The following CTNNA3 variants were observed in gnomAD, a reference collection of about 807,000 sequenced individuals.
CTNNA3 encodes catenin alpha 3, also known as catenin alpha-3.
A neutral mutation model predicts 95.7 loss-of-function variants in CTNNA3; 76 were observed. That is an observed-to-expected ratio of 0.79 (90% confidence interval 0.66 to 0.96). The LOEUF is 0.96. Ranked by LOEUF, CTNNA3 falls within the 40% of genes least tolerant of loss-of-function variation. The pLI is 0.00. For synonymous variants in CTNNA3, 431 were observed against 374.4 expected, an observed-to-expected ratio of 1.15 and a Z score of -1.74; for missense variants, 1,191 against 1,089.8, an observed-to-expected ratio of 1.09 and a Z score of -1.31.
intron 15 of CTNNA3, among the ~76,000 whole-genome samples, chr10:66,031,047 C>T (rs184499295): frequency 5.3e-4 from 81 of 152,102 alleles, no homozygotes; most frequent in Non-Finnish European, 7.2e-4. Flanking sequence ...ATTAAAAAGT[C>T]GAAAACTGAT....
At chr10:66,081,718 G>C (rs2080769267) in intron 14 of CTNNA3, among the ~76,000 whole-genome samples, 1 of 152,124 alleles carries the variant, frequency 6.6e-6, no homozygotes, top group African/African-American at 2.4e-5. Context: ...AGAAAATCAT[G>C]GGTTAGGCAA....
intron 11 of CTNNA3, among the ~76,000 whole-genome samples, chr10:66,431,620 A>T (rs984499598): frequency 6.6e-6 from 1 of 151,940 alleles, no homozygotes; most frequent in African/African-American, 2.4e-5. Context: ...GCTGGAAACC[A>T]TCATTCTCAG....
chr10:67,227,316 C>T (rs780536628), intron 5 of CTNNA3, among the ~76,000 whole-genome samples: 3 of 152,090 alleles, frequency 2.0e-5, no homozygotes, highest in Non-Finnish European at 2.9e-5. Context: ...GTCTTGAACT[C>T]CCAACCTCAG....
chr10:67,655,782 C>CAAAAAA (rs11291979), intron 1 of CTNNA3, among the ~76,000 whole-genome samples: 2 of 95,262 alleles, frequency 2.1e-5, no homozygotes, highest in African/African-American at 7.1e-5. Flanking sequence ...GACTCCGTCT[C>CAAAAAA]AAAAAAAAAA....
intron 5 of CTNNA3, among the ~76,000 whole-genome samples, chr10:67,386,130 T>C (rs1013280368): frequency 9.2e-5 from 14 of 152,194 alleles, no homozygotes; most frequent in African/African-American, 1.4e-4. Flanking sequence ...AAATAAAACT[T>C]ACTCATAAAT....
chr10:66,002,932 C>T (rs2078799364), intron 15 of CTNNA3, among the ~76,000 whole-genome samples: 1 of 152,170 alleles, frequency 6.6e-6, no homozygotes, highest in Admixed American at 6.5e-5. Flanking sequence ...CCCAGGGGTG[C>T]TAAAATCCTA....
At chr10:66,147,026 T>A (rs1315434558) in intron 13 of CTNNA3, among the ~76,000 whole-genome samples, 1 of 152,196 alleles carries the variant, frequency 6.6e-6, no homozygotes, top group East Asian at 1.9e-4. Context: ...CCTTCTAAAT[T>A]GCTCTTGAAG....
chr10:67,647,478 A>T lies in CTNNA3; in HGVS notation c.36T>A (p.Asp12Glu). 6.2e-7 allele frequency: 1 copy of T among 1,613,444 alleles called. No homozygotes were observed. The highest frequency in any genetic ancestry group is 8.5e-7 in the Non-Finnish European group (1 of 1,179,540). Residue 12 changes from aspartate to glutamate, a missense_variant, in exon 2 of 18, where the codon GAT becomes GAA. Asp to Glu is a conservative substitution (Grantham distance 45). Transcript: ENST00000433211. Reference protein sequence around the residue: ...SAETPITLNIDPQDLQVQTFT... With the variant: ...SAETPITLNIEPQDLQVQTFT... ...ATGTTTGGACCTGCAGATCCTGAGGATCGATATTCAATGTGATTGGTGTTT... is the reference window on the plus strand; with the variant it reads ...ATGTTTGGACCTGCAGATCCTGAGGTTCGATATTCAATGTGATTGGTGTTT...
At chr10:67,292,129 G>C (rs1170513571) in intron 5 of CTNNA3, among the ~76,000 whole-genome samples, 1 of 152,158 alleles carries the variant, frequency 6.6e-6, no homozygotes, top group African/African-American at 2.4e-5. Context: ...TTGAATGGCG[G>C]GTGGGGGTCT....
chr10:66,547,578 G>C (rs535262556), intron 10 of CTNNA3, among the ~76,000 whole-genome samples: 3 of 151,638 alleles, frequency 2.0e-5, no homozygotes, highest in Non-Finnish European at 4.4e-5. Flanking sequence ...TCCTGACCTC[G>C]TAATCCACCC....
intron 1 of CTNNA3, among the ~76,000 whole-genome samples, chr10:67,739,836 G>A (rs1342195524): frequency 6.6e-6 from 1 of 152,150 alleles, no homozygotes; most frequent in Non-Finnish European, 1.5e-5. Flanking sequence ...CCAAAAAAGA[G>A]GCCGCATCGC....
intron 7 of CTNNA3, among the ~76,000 whole-genome samples, chr10:67,074,368 T>TTTTTG: frequency 1.1e-5 from 1 of 90,234 alleles, no homozygotes; most frequent in Non-Finnish European, 2.2e-5. Flanking sequence ...TTTTTTTTTT[T>TTTTTG]GAGACGGAGT....
chr10:67,000,283 T>G (rs1851602892), intron 7 of CTNNA3, among the ~76,000 whole-genome samples: 1 of 152,156 alleles, frequency 6.6e-6, no homozygotes, highest in Non-Finnish European at 1.5e-5. Context: ...TCCTCTTACA[T>G]AAATAATTGG....
intron 15 of CTNNA3, among the ~76,000 whole-genome samples, chr10:66,065,933 G>T (rs994411222): frequency 6.6e-6 from 1 of 151,616 alleles, no homozygotes; most frequent in African/African-American, 2.4e-5. Context: ...GTGCAATCTC[G>T]GCTCACCACA....
intron 11 of CTNNA3, among the ~76,000 whole-genome samples, chr10:66,504,241 T>C (rs988017914): frequency 6.6e-6 from 1 of 152,088 alleles, no homozygotes; most frequent in Non-Finnish European, 1.5e-5. Context: ...TAACCACTAT[T>C]CTACTCCCTG....
At chr10:66,756,091 C>G (rs1482135617) in intron 9 of CTNNA3, among the ~76,000 whole-genome samples, 1 of 152,158 alleles carries the variant, frequency 6.6e-6, no homozygotes, top group Non-Finnish European at 1.5e-5. Flanking sequence ...AAACTTTAAA[C>G]ATCATATTGC....
chr10:66,205,694 G>A (rs939727817), intron 13 of CTNNA3, among the ~76,000 whole-genome samples: 4 of 151,834 alleles, frequency 2.6e-5, no homozygotes, highest in Non-Finnish European at 5.9e-5. Context: ...TTTGGTAAAT[G>A]TATGTTAATT....
At chr10:67,252,818 G>A (rs1450442597) in intron 5 of CTNNA3, among the ~76,000 whole-genome samples, 1 of 152,130 alleles carries the variant, frequency 6.6e-6, no homozygotes, top group East Asian at 1.9e-4. Context: ...CTGTCAATCA[G>A]AACACATTTT....
chr10:66,837,086 G>GA (rs200563517), intron 7 of CTNNA3, among the ~76,000 whole-genome samples: 295 of 150,620 alleles, frequency 2.0e-3, no homozygotes, highest in Middle Eastern at 6.8e-3. Context: ...AATGTGCAGA[G>GA]AAAAAAAAAG....
Sources: allele counts gnomAD v4.1 joint callset (sites outside exome capture counted in the v4.1 genomes callset), GRCh38; gene constraint gnomAD v4.1.1; transcripts MANE v1.5; gene names NCBI Gene and HGNC (gene_info 2026-07-23, HGNC 2026-07-21).